SLC6A11: variants seen among roughly 807,000 people sequenced by gnomAD.
SLC6A11 encodes solute carrier family 6 member 11.
SLC6A11 carries 25 observed loss-of-function variants against 74.8 expected under a neutral mutation model. The observed-to-expected ratio is 0.33, with a 90% CI of 0.24 to 0.47. The LOEUF is 0.47. Among genes scored for constraint, SLC6A11 ranks in the 20% least tolerant of loss-of-function variants. The pLI is 1.00. For missense variants in SLC6A11, 574 were observed against 837.0 expected (o/e 0.69, Z 3.88); for synonymous variants, 330 against 330.2 (o/e 1.00, Z 0.01).
At chr3:10,914,111 A>G (rs1695423468) in intron 7 of SLC6A11, among the ~76,000 whole-genome samples, 1 of 152,238 alleles carries the variant, frequency 6.6e-6, no homozygotes, top group African/African-American at 2.4e-5. Context: ...TAACCACCAC[A>G]TCACTGGGTC....
At chr3:10,840,149 G>A (rs1388841381) in intron 4 of SLC6A11, among the ~76,000 whole-genome samples, 2 of 152,052 alleles carry the variant, frequency 1.3e-5, no homozygotes, top group African/African-American at 2.4e-5. Context: ...CGGCCCCTCA[G>A]CAAGGCTCAC....
At chr3:10,935,368 GTC>G (rs1695747777) in intron 13 of SLC6A11, 169 bp downstream of exon 13, 1 of 619,370 alleles carries the variant, frequency 1.6e-6, no homozygotes. Context: ...TGCCCAAGGT[GTC>G]TCTGTGAAGT....
chr3:10,873,609 GCCAT>G (rs1694864357), intron 5 of SLC6A11, among the ~76,000 whole-genome samples: 2 of 125,634 alleles, frequency 1.6e-5, no homozygotes, highest in African/African-American at 3.5e-5. Context: ...CCTATCCTAT[GCCAT>G]GCTATCCTAT....
rs1216423539 is a variant in SLC6A11 at position 10,816,310 on chromosome 3, TGAG to T, written c.50_52del (p.Glu17del). On this transcript the variant is annotated inframe_deletion, in exon 1 of 14. Transcript: ENST00000254488. The surrounding 1 kb of genome is among the most constrained non-coding windows in gnomAD (Gnocchi z 4.2). ...TGCCCCTGGGCAATGGGAAGGCTGC[TGAG>T]GAGGCGCGGGAGTCCGAGGCGCCGG... 3.1e-5 allele frequency: 43 copies of T among 1,407,764 alleles called. No homozygotes were observed. Among genetic ancestry groups the T allele is most frequent in the Non-Finnish European group, 4.0e-5 (43 of 1,083,518 alleles). 87.2% of individuals were successfully genotyped at this position (1,407,764 alleles called of 1,614,324 possible).
At chr3:10,929,861 T>C (rs1695662317) in intron 10 of SLC6A11, among the ~76,000 whole-genome samples, 1 of 152,046 alleles carries the variant, frequency 6.6e-6, no homozygotes, top group Non-Finnish European at 1.5e-5. Flanking sequence ...TTAGGAGAGG[T>C]TCTCCATGAC....
Position 10,916,887 on chromosome 3 carries a change from T to A in SLC6A11, c.996-1442T>A, listed in dbSNP as rs148130433. Among the ~76,000 whole-genome samples, 1,304 of 152,310 alleles carry A rather than the reference T, an allele frequency of 8.6e-3. 12 individuals carry two copies. The highest frequency in any genetic ancestry group is 0.013 in the Non-Finnish European group (914 of 68,030). ...CCAAGGCTCTCGACCACCAGTTCAA[T>A]GCTCTCTCTACTTTACCCTTGATTC... On this transcript the variant is annotated intron_variant, in intron 7 of 13. Coordinates refer to ENST00000254488, the MANE Select transcript of SLC6A11 (RefSeq NM_014229.3).
chr3:10,822,253 G>C (rs897631105), intron 3 of SLC6A11, among the ~76,000 whole-genome samples: 2 of 152,258 alleles, frequency 1.3e-5, no homozygotes, highest in Admixed American at 1.3e-4. Context: ...TGCTGGCCAT[G>C]GTGCGGGGTG....
At chr3:10,911,297 T>C (rs1457124342) in intron 6 of SLC6A11, among the ~76,000 whole-genome samples, 1 of 152,230 alleles carries the variant, frequency 6.6e-6, no homozygotes, top group Admixed American at 6.5e-5. Flanking sequence ...ATTTGAGCTC[T>C]GGATTTTCCT....
chr3:10,869,597 C>T (rs1694805703), intron 5 of SLC6A11, among the ~76,000 whole-genome samples: 1 of 152,252 alleles, frequency 6.6e-6, no homozygotes, highest in South Asian at 2.1e-4. Flanking sequence ...TCCCCAATAG[C>T]AGGGAACCTG....
intron 5 of SLC6A11, among the ~76,000 whole-genome samples, chr3:10,873,670 A>G (rs1694866989): frequency 8.9e-6 from 1 of 112,990 alleles, no homozygotes; most frequent in Non-Finnish European, 1.8e-5. Flanking sequence ...GTCCTATCCT[A>G]TCCTATCCTA....
chr3:10,822,982 C>G (rs1694157006), intron 3 of SLC6A11, among the ~76,000 whole-genome samples: 1 of 152,108 alleles, frequency 6.6e-6, no homozygotes, highest in African/African-American at 2.4e-5. Context: ...ATAAATGCTA[C>G]TGGTGGGACT....
rs892852505 is a variant in SLC6A11 at position 10,918,832 on chromosome 3, A to T, written c.1120+379A>T. The stretch of plus-strand genomic sequence containing the variant: ...ACTCCATGCTCTACCCTGCAGAGGG[A>T]TTTTTTTTTTTCAAAATGCAAATTT... On this transcript the variant is annotated intron_variant, in intron 8 of 13. Transcript: ENST00000254488. This position sits in a 1 kb window ranked among gnomAD's most constrained non-coding sequence, Gnocchi z 4.5. Among the ~76,000 whole-genome samples, 2 of 147,224 alleles carry T rather than the reference A, an allele frequency of 1.4e-5. No homozygotes were observed. Among genetic ancestry groups the T allele is most frequent in the Non-Finnish European group, 3.0e-5 (2 of 66,482 alleles).
chr3:10,877,600 GAAAC>G (rs1040194272), intron 6 of SLC6A11, among the ~76,000 whole-genome samples: 2 of 152,180 alleles, frequency 1.3e-5, no homozygotes, highest in Non-Finnish European at 2.9e-5. Flanking sequence ...ACTCTCAGAG[GAAAC>G]ACAGGTGTTC....
chr3:10,935,243 C>T (rs375735952), intron 13 of SLC6A11, 44 bp downstream of exon 13: 149 of 1,580,052 alleles, frequency 9.4e-5, no homozygotes, highest in Non-Finnish European at 1.2e-4. Flanking sequence ...GCAGGGTTCG[C>T]GCCTTGGGTC....
intron 6 of SLC6A11, among the ~76,000 whole-genome samples, chr3:10,904,345 AGAGGT>A (rs1024390581): frequency 3.3e-5 from 5 of 152,192 alleles, no homozygotes; most frequent in Admixed American, 1.3e-4. Flanking sequence ...TGGCCTTGAA[AGAGGT>A]GAGGTTGCCC....
At chr3:10,871,192 C>T (rs1476612552) in intron 5 of SLC6A11, among the ~76,000 whole-genome samples, 1 of 152,180 alleles carries the variant, frequency 6.6e-6, no homozygotes, top group Non-Finnish European at 1.5e-5. Context: ...AAGTGACCCT[C>T]TTAATGACAC....
In SLC6A11 at chr3:10,819,709, C is replaced by T. The variant is rs1694112725; in HGVS notation, c.392-3C>T. The T allele has an allele frequency of 8.7e-6, 14 of 1,613,322 alleles. No homozygotes were observed. Among genetic ancestry groups the T allele is most frequent in the Non-Finnish European group, 1.2e-5 (14 of 1,179,742 alleles). ...AATTCCTTCCTTTCTTTTGTCCTTTCAGGCATTGGCTATGCAACACAGGTG... is the reference window on the plus strand; with the variant it reads ...AATTCCTTCCTTTCTTTTGTCCTTTTAGGCATTGGCTATGCAACACAGGTG... On this transcript the variant is annotated splice_region_variant and splice_polypyrimidine_tract_variant and intron_variant, in intron 2 of 13. Transcript: ENST00000254488.
rs144992052 is a variant in SLC6A11, at chr3:10,875,734, A to G, written c.891+639A>G. Among the ~76,000 whole-genome samples, 31 of 152,296 alleles carry G rather than the reference A, an allele frequency of 2.0e-4. No individual in the cohort carries two copies. The East Asian group carries it at 5.6e-3, about 28-fold the overall frequency. On this transcript the variant is annotated intron_variant, in intron 6 of 13. Coordinates refer to ENST00000254488, the MANE Select transcript of SLC6A11 (RefSeq NM_014229.3). ...TGAATGGTGGGCAGTAATTGTGCCTAAGGTTCTCTTAGTGGGTACATGGTG... is the reference window on the plus strand; with the variant it reads ...TGAATGGTGGGCAGTAATTGTGCCTGAGGTTCTCTTAGTGGGTACATGGTG...
chr3:10,838,182 A>T (rs1032219647), intron 4 of SLC6A11, among the ~76,000 whole-genome samples: 29 of 152,332 alleles, frequency 1.9e-4, no homozygotes, highest in African/African-American at 7.0e-4. Flanking sequence ...CCTGGGTGCC[A>T]GGCTGGAGGG....
Sources: allele counts gnomAD v4.1 joint callset (sites outside exome capture counted in the v4.1 genomes callset), GRCh38; gene constraint gnomAD v4.1.1; non-coding constraint Gnocchi (gnomAD v3.1); transcripts MANE v1.5; gene names NCBI Gene and HGNC (gene_info 2026-07-23, HGNC 2026-07-21).